The following AMD1 variants were observed in gnomAD, a reference collection of about 807,000 sequenced individuals.
AMD1 encodes the protein S-adenosylmethionine decarboxylase proenzyme.
AMD1 carries 11 observed loss-of-function variants against 40.2 expected under a neutral mutation model. The observed-to-expected ratio is 0.27, with a 90% CI of 0.17 to 0.45. AMD1 has a LOEUF of 0.45. Among genes scored for constraint, AMD1 ranks in the 20% least tolerant of loss-of-function variants. The pLI is 1.00. For missense variants in AMD1, 257 were observed against 410.2 expected (o/e 0.63, Z 3.23); for synonymous variants, 121 against 130.8 (o/e 0.93, Z 0.51).
At chr6:110,848,143 G>T in the AMD1 span, among the ~76,000 whole-genome samples, 2 of 152,064 alleles carry the variant, frequency 1.3e-5, no homozygotes, top group Non-Finnish European at 2.9e-5. Flanking sequence ...TATGAGCTGT[G>T]TTTGTTTGGA....
chr6:110,848,941 G>A, the AMD1 span, among the ~76,000 whole-genome samples: 1 of 152,194 alleles, frequency 6.6e-6, no homozygotes, highest in Non-Finnish European at 1.5e-5. Context: ...AGGAGTTGGT[G>A]GCTGCACTGA....
rs1055315207 is a variant in AMD1 at position 110,888,963 on chromosome 6, A to G, written c.304A>G (p.Ser102Gly). 6.2e-7 allele frequency: 1 copy of G among 1,613,832 alleles called. No homozygotes were observed. Among genetic ancestry groups the G allele is most frequent in the Non-Finnish European group, 8.5e-7 (1 of 1,179,930 alleles). The change falls in exon 3 of 9, where the codon AGT (serine) becomes GGT (glycine). Residue 102 changes from serine (S) to glycine (G), a missense_variant. Coordinates refer to ENST00000368885, the MANE Select transcript of AMD1 (RefSeq NM_001634.6). ...CCTGTTGAAGCTTGCTAGGGATTAC[A>G]GTGGGTTTGACTCAATTCAAGTAAG... Reference protein sequence around the residue: ...VPLLKLARDYSGFDSIQSFFY... With the variant: ...VPLLKLARDYGGFDSIQSFFY...
chr6:110,860,194 C>G, the AMD1 span, among the ~76,000 whole-genome samples: 14 of 152,196 alleles, frequency 9.2e-5, no homozygotes, highest in African/African-American at 3.1e-4. Flanking sequence ...TTATACTGCT[C>G]CGTCTCCCCT....
At chr6:110,892,540 C>T (rs1417007380) in intron 6 of AMD1, 97 bp downstream of exon 6, 1 of 1,533,416 alleles carries the variant, frequency 6.5e-7, no homozygotes, top group Non-Finnish European at 8.9e-7. Flanking sequence ...GTAACAAGTG[C>T]TAGTTTGTTA....
chr6:110,816,693 C>T, the AMD1 span, among the ~76,000 whole-genome samples: 31 of 56,284 alleles, frequency 5.5e-4, no homozygotes, highest in Non-Finnish European at 9.5e-4. Context: ...CCTTTATTCA[C>T]CTTAGACATT....
At chr6:110,845,038 CTTTT>C in the AMD1 span, among the ~76,000 whole-genome samples, 1 of 122,244 alleles carries the variant, frequency 8.2e-6, no homozygotes. Flanking sequence ...TGCCACAGAC[CTTTT>C]TTTTTTTTTT....
chr6:110,877,000 GGA>G (rs1785149064), intron 1 of AMD1, among the ~76,000 whole-genome samples: 2 of 152,184 alleles, frequency 1.3e-5, no homozygotes, highest in South Asian at 2.1e-4. Context: ...GAGTCAAAGT[GGA>G]GAGAGGAGGA....
chr6:110,835,436 A>G, the AMD1 span, among the ~76,000 whole-genome samples: 1 of 152,216 alleles, frequency 6.6e-6, no homozygotes, highest in Non-Finnish European at 1.5e-5. Context: ...AGTTACTTTA[A>G]AATCCGTTGG....
chr6:110,881,775 A>G (rs1785420452), intron 1 of AMD1, among the ~76,000 whole-genome samples: 1 of 151,884 alleles, frequency 6.6e-6, no homozygotes, highest in African/African-American at 2.4e-5. Flanking sequence ...CAGTGAGCTG[A>G]TAGCATACCA....
chr6:110,879,871 C>G (rs143775409), intron 1 of AMD1, among the ~76,000 whole-genome samples: 65 of 152,224 alleles, frequency 4.3e-4, no homozygotes, highest in Admixed American at 1.6e-3. Context: ...AGTGTCTGAC[C>G]TAACTGGGTA....
At chr6:110,825,348 T>A in the AMD1 span, among the ~76,000 whole-genome samples, 2 of 152,216 alleles carry the variant, frequency 1.3e-5, no homozygotes, top group East Asian at 3.8e-4. Flanking sequence ...AAGCTGTGGA[T>A]AAGAGGAGAC....
chr6:110,876,821 C>T (rs1361918231), intron 1 of AMD1, among the ~76,000 whole-genome samples: 4 of 152,088 alleles, frequency 2.6e-5, no homozygotes, highest in African/African-American at 9.7e-5. Flanking sequence ...TTGGCAAGAA[C>T]CTAGAAAATC....
At chr6:110,814,780 G>A in the AMD1 span, 2 of 670,444 alleles carry the variant, frequency 3.0e-6, no homozygotes, top group Admixed American at 2.1e-5. Context: ...GGACGGGACC[G>A]ACGCCTCGGA....
chr6:110,866,874 C>T, the AMD1 span, among the ~76,000 whole-genome samples: 200 of 151,496 alleles, frequency 1.3e-3, 6 homozygotes, highest in East Asian at 0.035. Flanking sequence ...AGTGCAATGG[C>T]GCAATCTTGG....
chr6:110,879,048 A>G (rs1333041366), intron 1 of AMD1, among the ~76,000 whole-genome samples: 1 of 152,222 alleles, frequency 6.6e-6, no homozygotes, highest in Non-Finnish European at 1.5e-5. Flanking sequence ...GCTTCTCGTT[A>G]CATTCCTCCC....
At chr6:110,839,339 T>A in the AMD1 span, among the ~76,000 whole-genome samples, 1 of 152,360 alleles carries the variant, frequency 6.6e-6, no homozygotes, top group Non-Finnish European at 1.5e-5. Flanking sequence ...AGGCATTGCT[T>A]AAGAAAAACC....
chr6:110,842,704 A>T, the AMD1 span, among the ~76,000 whole-genome samples: 1 of 152,140 alleles, frequency 6.6e-6, no homozygotes, highest in South Asian at 2.1e-4. Flanking sequence ...ACACTTTATG[A>T]TGAAAATTAA....
upstream of AMD1, among the ~76,000 whole-genome samples, chr6:110,872,681 A>C (rs1291230695): frequency 1.3e-5 from 2 of 152,228 alleles, no homozygotes; most frequent in Middle Eastern, 6.3e-3. Flanking sequence ...TTGAGCTTCA[A>C]GATAACAAGA....
chr6:110,823,442 G>A, the AMD1 span, among the ~76,000 whole-genome samples: 1 of 152,154 alleles, frequency 6.6e-6, no homozygotes, highest in Non-Finnish European at 1.5e-5. Flanking sequence ...GACTATCTCT[G>A]TTTGCTATTG....
Sources: allele counts gnomAD v4.1 joint callset (sites outside exome capture counted in the v4.1 genomes callset), GRCh38; gene constraint gnomAD v4.1.1; transcripts MANE v1.5; gene names NCBI Gene and HGNC (gene_info 2026-07-23, HGNC 2026-07-21).